INTS13: variants seen among roughly 807,000 people sequenced by gnomAD.
The protein encoded by INTS13 is asunder, spermatogenesis regulator homolog (Drosphila).
In INTS13, 35 loss-of-function variants were observed where a neutral mutation model predicts 90.2. The ratio of observed to expected loss-of-function variants is 0.39; its 90% CI spans 0.30 to 0.51. The LOEUF (loss-of-function observed/expected upper bound fraction) is 0.51, where lower values mean the gene tolerates loss of function less well. INTS13 is among the 20% of genes least tolerant of loss of function. INTS13 has a pLI of 0.80. For missense variants in INTS13, 601 were observed against 851.2 expected, an observed-to-expected ratio of 0.71 and a Z score of 3.66; for synonymous variants, 309 against 277.1, an observed-to-expected ratio of 1.11 and a Z score of -1.14.
intron 8 of INTS13, among the ~76,000 whole-genome samples, chr12:26,919,368 G>T (rs1242603163): frequency 2.6e-5 from 4 of 152,106 alleles, no homozygotes; most frequent in African/African-American, 9.7e-5. Context: ...GAAGGGCCTT[G>T]TAAGACATTT....
chr12:26,916,163 C>CCAG lies in INTS13; in HGVS notation c.1086_1087insCTG (p.Leu362dup). 6.2e-7 allele frequency: 1 copy of CCAG among 1,609,612 alleles called. No individual in the cohort carries two copies. Among genetic ancestry groups the CCAG allele is most frequent in the Non-Finnish European group, 8.5e-7 (1 of 1,178,432 alleles). ...TTAGAACCTGACTTTCGTGGTTGTT[C>CCAG]CAATAAAACAGAACGACCTGTCAAA... On this transcript the variant is annotated inframe_insertion, in exon 11 of 17. Transcript: ENST00000261191.
upstream of INTS13, chr12:26,938,079 G>A (rs1565842675): frequency 6.6e-6 from 1 of 152,656 alleles, no homozygotes; most frequent in Non-Finnish European, 1.5e-5. Flanking sequence ...CCCCTCGTAG[G>A]GCCAGGCGTC....
At chr12:26,910,025 G>A (rs944544095) in intron 15 of INTS13, among the ~76,000 whole-genome samples, 1 of 152,130 alleles carries the variant, frequency 6.6e-6, no homozygotes, top group Non-Finnish European at 1.5e-5. Flanking sequence ...AGCCTAGAAC[G>A]ATTTCAGGAG....
chr12:26,917,637 T>C lies in INTS13; in HGVS notation c.979+7A>G, dbSNP rs747960370. Reference sequence around the variant, plus strand: ...TTCGTCTTTTTCAGTTATTCTTAAATACCTACCAATGTTATTTGTCCTTGG... The same window carrying C: ...TTCGTCTTTTTCAGTTATTCTTAAACACCTACCAATGTTATTTGTCCTTGG... On this transcript the variant is annotated splice_region_variant and intron_variant, in intron 9 of 16. Transcript: ENST00000261191. 1.1e-5 allele frequency: 17 copies of C among 1,604,990 alleles called. No individual in the cohort carries two copies. The highest frequency in any genetic ancestry group is 4.5e-5 in the East Asian group (2 of 44,824).
chr12:26,937,082 T>C (rs892254716), intron 1 of INTS13, among the ~76,000 whole-genome samples: 1 of 152,214 alleles, frequency 6.6e-6, no homozygotes, highest in Non-Finnish European at 1.5e-5. Flanking sequence ...AAAATGAACT[T>C]AAAATTGTCA....
Position 26,905,430 on chromosome 12 carries a change from G to GTACT in INTS13, c.*63_*66dup. 7.0e-7 allele frequency: 1 copy of GTACT among 1,437,000 alleles called. No individual in the cohort carries two copies. Among genetic ancestry groups the GTACT allele is most frequent in the South Asian group, 1.2e-5 (1 of 83,428 alleles). 89.0% of individuals were successfully genotyped at this position (1,437,000 alleles called of 1,614,324 possible). The stretch of plus-strand genomic sequence containing the variant: ...ATAACTATACCATCTTGCTGTAAAA[G>GTACT]TACTTATATCGAATTCCGCACAAAA... On this transcript the variant is annotated 3_prime_UTR_variant, in exon 17 of 17. Coordinates refer to ENST00000261191, the MANE Select transcript of INTS13 (RefSeq NM_018164.3).
intron 15 of INTS13, among the ~76,000 whole-genome samples, chr12:26,909,318 G>A (rs868103570): frequency 2.6e-5 from 4 of 152,262 alleles, no homozygotes; most frequent in South Asian, 2.1e-4. Flanking sequence ...CTGAGATCGT[G>A]CCATTGCACT....
At chr12:26,908,255 A>G (rs1951669173) in intron 15 of INTS13, among the ~76,000 whole-genome samples, 1 of 152,166 alleles carries the variant, frequency 6.6e-6, no homozygotes, top group South Asian at 2.1e-4. Flanking sequence ...CAATATGAGG[A>G]AATCTTTTGG....
chr12:26,925,138 T>C (rs1937796400), intron 6 of INTS13, among the ~76,000 whole-genome samples: 1 of 152,046 alleles, frequency 6.6e-6, no homozygotes, highest in Non-Finnish European at 1.5e-5. Flanking sequence ...ATGATGGCAA[T>C]AATGACTAAA....
intron 4 of INTS13, 47 bp downstream of exon 4, chr12:26,928,656 A>T: frequency 6.3e-7 from 1 of 1,589,482 alleles, no homozygotes; most frequent in Non-Finnish European, 8.6e-7. Context: ...CTACAACAGG[A>T]TTTTAAAATT....
At chr12:26,924,146 C>A (rs568848298) in intron 7 of INTS13, among the ~76,000 whole-genome samples, 2 of 152,092 alleles carry the variant, frequency 1.3e-5, no homozygotes, top group Non-Finnish European at 2.9e-5. Flanking sequence ...ACATGTCCAA[C>A]AATTATTTAT....
Position 26,911,216 on chromosome 12 carries a change from A to G in INTS13, c.1907T>C (p.Val636Ala), listed in dbSNP as rs764538962. 1 of 1,613,882 alleles carries G rather than the reference A, an allele frequency of 6.2e-7. No individual in the cohort carries two copies. Among genetic ancestry groups the G allele is most frequent in the East Asian group, 2.2e-5 (1 of 44,846 alleles). ...CACTTGTGGAGTTTCATCCATTTCA[A>G]CAAGGGGTTTTTTGTTTGGAGGTTC... Reference protein sequence around the residue: ...SPEPPNKKPLVEMDETPQVEK... With the variant: ...SPEPPNKKPLAEMDETPQVEK... The change falls in exon 15 of 17, where the codon GTT (valine) becomes GCT (alanine). Residue 636 changes from valine to alanine, a missense_variant. Val to Ala is a moderately conservative substitution (Grantham distance 64). Transcript: ENST00000261191.
intron 4 of INTS13, 89 bp downstream of exon 4, chr12:26,928,614 T>G: frequency 7.4e-7 from 1 of 1,349,434 alleles, no homozygotes; most frequent in Non-Finnish European, 1.0e-6. Context: ...AACGTAAACA[T>G]GTAAACATGC....
chr12:26,917,351 C>A lies in INTS13; in HGVS notation c.1069+1G>T. The A allele has an allele frequency of 1.5e-6, 2 of 1,330,708 alleles. No individual in the cohort carries two copies. Among genetic ancestry groups the A allele is most frequent in the Admixed American group, 2.2e-5 (1 of 44,930 alleles). 82.4% of individuals were successfully genotyped at this position (1,330,708 alleles called of 1,614,324 possible). A position where few individuals can be genotyped will look rare whatever the true frequency, so the allele number is the denominator to read the frequency against. On this transcript the variant is annotated splice_donor_variant, in intron 10 of 16. Transcript: ENST00000261191. LOFTEE classifies it high-confidence loss of function. ...CAAAACCATTAAATAATTAAAGTTA[C>A]CATTTAGAAGAAAATTAGTAAGGCA...
chr12:26,925,201 A>G (rs1198650175), intron 6 of INTS13, among the ~76,000 whole-genome samples: 2 of 152,170 alleles, frequency 1.3e-5, no homozygotes, highest in Non-Finnish European at 2.9e-5. Context: ...AGCGATGTTT[A>G]TATTAAATAA....
chr12:26,935,049 G>A (rs1250766032), intron 2 of INTS13, among the ~76,000 whole-genome samples: 7 of 152,206 alleles, frequency 4.6e-5, no homozygotes, highest in African/African-American at 1.4e-4. Flanking sequence ...CGTAAAGTCA[G>A]GGATAGACAA....
In INTS13 at chr12:26,928,197, A is replaced by G. The variant is rs1937991244; in HGVS notation, c.584+8T>C. ...AACATATTTATTTCATTTATGAATT[A>G]TACTCACTGATCTGAATTTGCAGCA... On this transcript the variant is annotated splice_region_variant and intron_variant, in intron 5 of 16. Transcript: ENST00000261191. 3 of 1,588,148 alleles carry G rather than the reference A, an allele frequency of 1.9e-6. No homozygotes were observed. Among genetic ancestry groups the G allele is most frequent in the Non-Finnish European group, 2.6e-6 (3 of 1,158,024 alleles).
At chr12:26,916,771 A>C (rs565342207) in intron 10 of INTS13, among the ~76,000 whole-genome samples, 1 of 152,340 alleles carries the variant, frequency 6.6e-6, no homozygotes, top group South Asian at 2.1e-4. Context: ...ATTACCAGAG[A>C]AGCTTTTAAT....
At chr12:26,931,853 G>A (rs1329818741) in intron 3 of INTS13, among the ~76,000 whole-genome samples, 1 of 152,184 alleles carries the variant, frequency 6.6e-6, no homozygotes, top group East Asian at 1.9e-4. Flanking sequence ...TTGGGTGGCT[G>A]AGGCGGGTGG....
Sources: gnomAD v4.1 joint callset for allele counts (sites outside exome capture counted in the v4.1 genomes callset) on GRCh38, gnomAD v4.1.1 for gene constraint, MANE v1.5 for transcripts, NCBI Gene and HGNC (gene_info 2026-07-23, HGNC 2026-07-21) for gene names.